Variants in ARL15 observed in about 807,000 individuals in gnomAD.
ARL15 encodes the protein ARF like GTPase 15.
In ARL15, 19 loss-of-function variants were observed where a neutral mutation model predicts 25.2. That is an observed-to-expected ratio of 0.75 (90% CI 0.53 to 1.10). The LOEUF (loss-of-function observed/expected upper bound fraction) is 1.10, where lower values mean the gene tolerates loss of function less well. Among genes scored for constraint, ARL15 ranks in the 50% least tolerant of loss-of-function variants. The pLI, the probability that ARL15 is intolerant of heterozygous loss-of-function variation, is 0.00. For missense variants in ARL15, 220 were observed against 246.0 expected (o/e 0.89, Z 0.71); for synonymous variants, 94 against 86.8 (o/e 1.08, Z -0.46).
At chr5:54,044,719 T>A (rs888204438) in intron 4 of ARL15, among the ~76,000 whole-genome samples, 1 of 152,254 alleles carries the variant, frequency 6.6e-6, no homozygotes, top group African/African-American at 2.4e-5. Context: ...AACAGTTTTT[T>A]GTGTGCCTTT....
intron 1 of ARL15, among the ~76,000 whole-genome samples, chr5:54,241,352 C>A (rs185691284): frequency 1.3e-5 from 2 of 152,200 alleles, no homozygotes; most frequent in East Asian, 3.9e-4. Flanking sequence ...AAAAATATCA[C>A]CCTGTATGTC....
At chr5:53,942,285 G>GT (rs1477198689) in intron 4 of ARL15, among the ~76,000 whole-genome samples, 3 of 152,120 alleles carry the variant, frequency 2.0e-5, no homozygotes, top group Non-Finnish European at 2.9e-5. Flanking sequence ...TTTGAGTTGT[G>GT]TGGGGGCTTC....
At chr5:54,125,984 A>AGGGTTTGCCGGGTGCCATGT (rs1203658736) in intron 3 of ARL15, among the ~76,000 whole-genome samples, 1 of 152,118 alleles carries the variant, frequency 6.6e-6, no homozygotes, top group Non-Finnish European at 1.5e-5. Flanking sequence ...AATTGCTATG[A>AGGGTTTGCCGGGTGCCATGT]GGGTTTGCCG....
At chr5:54,133,774 G>A (rs1370915587) in intron 3 of ARL15, among the ~76,000 whole-genome samples, 4 of 152,144 alleles carry the variant, frequency 2.6e-5, no homozygotes, top group Non-Finnish European at 5.9e-5. Flanking sequence ...ATTGGAAGAA[G>A]ATGAGAAGGC....
intron 1 of ARL15, among the ~76,000 whole-genome samples, chr5:54,174,967 G>A (rs1043025632): frequency 1.5e-4 from 23 of 152,220 alleles, no homozygotes; most frequent in Admixed American, 1.4e-3. Flanking sequence ...TCCTGCCCTA[G>A]AGGCCTTCAT....
intron 4 of ARL15, among the ~76,000 whole-genome samples, chr5:53,916,815 C>A (rs984489918): frequency 6.6e-6 from 1 of 152,192 alleles, no homozygotes; most frequent in Non-Finnish European, 1.5e-5. Flanking sequence ...TAAGACCTGA[C>A]AGGTCATGTA....
chr5:54,289,336 A>G (rs1285012689), intron 1 of ARL15, among the ~76,000 whole-genome samples: 1 of 151,900 alleles, frequency 6.6e-6, no homozygotes, highest in East Asian at 1.9e-4. Context: ...AATAAAATCA[A>G]CTTAGATGGT....
intron 3 of ARL15, among the ~76,000 whole-genome samples, chr5:54,134,519 C>T (rs1220964586): frequency 7.4e-6 from 1 of 135,488 alleles, no homozygotes; most frequent in Non-Finnish European, 1.6e-5. Context: ...TTTATAATTA[C>T]ATGTCTATTA....
At chr5:54,217,119 G>GAAGATTTTCCTTTT (rs897361668) in intron 1 of ARL15, among the ~76,000 whole-genome samples, 3 of 151,264 alleles carry the variant, frequency 2.0e-5, no homozygotes, top group Admixed American at 1.3e-4. Flanking sequence ...GATTTAAAAG[G>GAAGATTTTCCTTTT]AAGATTTATC....
chr5:54,195,209 A>G (rs1393080740), intron 1 of ARL15, among the ~76,000 whole-genome samples: 1 of 152,178 alleles, frequency 6.6e-6, no homozygotes, highest in African/African-American at 2.4e-5. Context: ...AAGCCAAATT[A>G]AGCCACCTGT....
intron 4 of ARL15, among the ~76,000 whole-genome samples, chr5:54,089,536 AC>A (rs1752070604): frequency 6.6e-6 from 1 of 152,200 alleles, no homozygotes; most frequent in Admixed American, 6.5e-5. Context: ...AAAGTTTTTT[AC>A]CTACTACGAG....
At chr5:53,988,369 T>C (rs1193073773) in intron 4 of ARL15, among the ~76,000 whole-genome samples, 1 of 151,204 alleles carries the variant, frequency 6.6e-6, no homozygotes, top group East Asian at 1.9e-4. Flanking sequence ...AACTTTATAG[T>C]TGAAAAAAAC....
In ARL15 at chr5:53,965,498, G is replaced by GT. The variant is rs796464177; in HGVS notation, c.463-78786dup. 8.6e-4 allele frequency among the ~76,000 whole-genome samples: 131 copies of GT among 152,256 alleles called. 2 individuals carry two copies. Among genetic ancestry groups the GT allele is most frequent in the African/African-American group, 2.9e-3 (122 of 41,566 alleles). ...CTTTGTAAGATTTCAAAATCCTGAGGTGGGGGGGACTTGTGTTGAAATGCA... is the reference window on the plus strand; with the variant it reads ...CTTTGTAAGATTTCAAAATCCTGAGGTTGGGGGGGACTTGTGTTGAAATGCA... On this transcript the variant is annotated intron_variant, in intron 4 of 4. Coordinates refer to ENST00000504924, the MANE Select transcript of ARL15 (RefSeq NM_019087.3).
At chr5:53,893,940 G>C (rs992109706) in intron 4 of ARL15, among the ~76,000 whole-genome samples, 2 of 152,104 alleles carry the variant, frequency 1.3e-5, no homozygotes, top group African/African-American at 4.8e-5. Context: ...CCTTAGAAAG[G>C]TACTAAATAT....
intron 2 of ARL15, among the ~76,000 whole-genome samples, chr5:54,155,321 C>T (rs1195888033): frequency 6.6e-6 from 1 of 152,140 alleles, no homozygotes. Context: ...ACCTCTGCAT[C>T]TAACTTTAAT....
chr5:54,229,583 C>T (rs1228847825), intron 1 of ARL15, among the ~76,000 whole-genome samples: 2 of 152,164 alleles, frequency 1.3e-5, no homozygotes, highest in African/African-American at 4.8e-5. Flanking sequence ...GCTTGAGATA[C>T]ACTAACCCAG....
intron 4 of ARL15, among the ~76,000 whole-genome samples, chr5:54,002,021 C>A (rs1748864066): frequency 2.0e-5 from 3 of 152,220 alleles, no homozygotes; most frequent in Admixed American, 6.5e-5. Flanking sequence ...TTCATCTACT[C>A]CACAGCTTCC....
intron 3 of ARL15, among the ~76,000 whole-genome samples, chr5:54,145,420 G>A (rs1025674541): frequency 2.0e-5 from 3 of 152,210 alleles, no homozygotes; most frequent in Admixed American, 1.3e-4. Context: ...AATCAGCTTT[G>A]AACGTGTCAG....
chr5:54,260,935 TC>T (rs1463078450), intron 1 of ARL15, among the ~76,000 whole-genome samples: 1 of 152,124 alleles, frequency 6.6e-6, no homozygotes, highest in Non-Finnish European at 1.5e-5. Flanking sequence ...ATGAGTAAAC[TC>T]CATGCTTCTC....
Sources: gnomAD v4.1 joint callset for allele counts (sites outside exome capture counted in the v4.1 genomes callset) on GRCh38, gnomAD v4.1.1 for gene constraint, MANE v1.5 for transcripts, NCBI Gene and HGNC (gene_info 2026-07-23, HGNC 2026-07-21) for gene names.